The following FHOD3 variants were observed in gnomAD, a reference collection of about 807,000 sequenced individuals.
The protein encoded by FHOD3 is FH1/FH2 domain-containing protein 3.
FHOD3 carries 90 observed loss-of-function variants against 173.0 expected under a neutral mutation model. The ratio of observed to expected loss-of-function variants is 0.52; its 90% CI spans 0.44 to 0.62. The LOEUF (loss-of-function observed/expected upper bound fraction) is 0.62. Among genes scored for constraint, FHOD3 ranks in the 20% least tolerant of loss-of-function variants. The pLI, the probability that FHOD3 is intolerant of heterozygous loss-of-function variation, is 0.00. For synonymous variants in FHOD3, 828 were observed against 823.0 expected, an observed-to-expected ratio of 1.01 and a Z score of -0.10; for missense variants, 1,945 against 2,034.7, an observed-to-expected ratio of 0.96 and a Z score of 0.85.
At chr18:36,517,723 A>G (rs974855158) in intron 5 of FHOD3, among the ~76,000 whole-genome samples, 2 of 152,252 alleles carry the variant, frequency 1.3e-5, no homozygotes, top group Admixed American at 1.3e-4. Flanking sequence ...TTCATTTTAG[A>G]AGAAAACTGC....
chr18:36,763,219 T>C (rs111211364), intron 27 of FHOD3, among the ~76,000 whole-genome samples: 2 of 147,564 alleles, frequency 1.4e-5, no homozygotes, highest in African/African-American at 4.9e-5. Context: ...ATGTGTACTA[T>C]ACGTTATATA....
At chr18:36,677,430 T>G in intron 14 of FHOD3, among the ~76,000 whole-genome samples, 1 of 152,152 alleles carries the variant, frequency 6.6e-6, no homozygotes. Flanking sequence ...ATTACAGACA[T>G]GAGCCACCAT....
At chr18:36,562,542 C>A (rs1026194865) in intron 5 of FHOD3, among the ~76,000 whole-genome samples, 1 of 152,176 alleles carries the variant, frequency 6.6e-6, no homozygotes, top group African/African-American at 2.4e-5. Context: ...CATTCAGATG[C>A]CATTTCCAGC....
intron 5 of FHOD3, among the ~76,000 whole-genome samples, chr18:36,561,470 A>T (rs987121190): frequency 1.3e-5 from 2 of 152,158 alleles, no homozygotes; most frequent in Non-Finnish European, 2.9e-5. Context: ...AGGAGGCCTT[A>T]GTTGCGTTTA....
At chr18:36,440,306 G>A (rs1295974592) in intron 3 of FHOD3, among the ~76,000 whole-genome samples, 2 of 152,222 alleles carry the variant, frequency 1.3e-5, no homozygotes, top group African/African-American at 4.8e-5. Flanking sequence ...GCAGAAGCAG[G>A]CGCAGGGCAC....
intron 1 of FHOD3, among the ~76,000 whole-genome samples, chr18:36,336,006 C>A (rs968135289): frequency 1.3e-5 from 2 of 152,172 alleles, no homozygotes; most frequent in African/African-American, 4.8e-5. Context: ...TTAGGACATA[C>A]AACGTGTTCT....
chr18:36,546,553 C>T (rs890789662), intron 5 of FHOD3, among the ~76,000 whole-genome samples: 4 of 152,144 alleles, frequency 2.6e-5, no homozygotes, highest in African/African-American at 9.7e-5. Context: ...GTGAGCGACT[C>T]TAGGAAGTTC....
In FHOD3 at chr18:36,720,729, T is replaced by C. The variant is rs376894070; in HGVS notation, c.3417+2014T>C. 4.6e-3 allele frequency among the ~76,000 whole-genome samples: 538 copies of C among 116,078 alleles called. 3 individuals are homozygous for C. The highest frequency in any genetic ancestry group is 0.015 in the African/African-American group (434 of 29,530). 76.2% of individuals were successfully genotyped at this position (116,078 alleles called of 152,430 possible). A position where few individuals can be genotyped will look rare whatever the true frequency, so the allele number is the denominator to read the frequency against. ...TCCTCCTCCTCCTTCTCTTCCTCCT[T>C]CTTCTTCTCCTCCTCCTTCTTCTCC... On this transcript the variant is annotated intron_variant, in intron 19 of 28. Transcript: ENST00000590592.
chr18:36,640,733 A>C (rs1236145213), intron 10 of FHOD3, among the ~76,000 whole-genome samples: 1 of 152,170 alleles, frequency 6.6e-6, no homozygotes, highest in Non-Finnish European at 1.5e-5. Context: ...GTCTGGGGTG[A>C]CTGGGCTCTG....
chr18:36,484,887 T>G (rs2054113625), intron 3 of FHOD3, among the ~76,000 whole-genome samples: 1 of 152,178 alleles, frequency 6.6e-6, no homozygotes, highest in African/African-American at 2.4e-5. Flanking sequence ...GAAGGCACTG[T>G]CCCGGCTGGC....
intron 3 of FHOD3, among the ~76,000 whole-genome samples, chr18:36,456,206 A>G (rs2052202470): frequency 6.6e-6 from 1 of 152,160 alleles, no homozygotes; most frequent in African/African-American, 2.4e-5. Context: ...TGGGCCTCAA[A>G]CAAATCCTTT....
At chr18:36,642,357 T>G (rs796474081) in intron 10 of FHOD3, among the ~76,000 whole-genome samples, 10 of 152,260 alleles carry the variant, frequency 6.6e-5, no homozygotes, top group African/African-American at 2.2e-4. Context: ...CAGTGGTTCA[T>G]GCCTGTAATC....
In FHOD3 at chr18:36,297,934, C is replaced by T. The variant is rs1184238547; in HGVS notation, c.99C>T (p.Phe33=). 1 of 1,565,660 alleles carries T rather than the reference C, an allele frequency of 6.4e-7. No individual in the cohort carries two copies. ...PEPSRPPLFT[F]REDLALGTQL... is the part of the protein sequence containing the mutation. Reference sequence around the variant, plus strand: ...CCAGCCGGCCGCCGCTGTTCACGTTCCGCGAGGACCTCGCGCTCGGCACCC... The same window carrying T: ...CCAGCCGGCCGCCGCTGTTCACGTTTCGCGAGGACCTCGCGCTCGGCACCC... Residue 33 remains phenylalanine, a synonymous_variant, in exon 1 of 29, where the codon TTC becomes TTT. Transcript: ENST00000590592.
chr18:36,748,993 AC>A (rs2042286138), intron 24 of FHOD3, among the ~76,000 whole-genome samples: 1 of 139,454 alleles, frequency 7.2e-6, no homozygotes. Flanking sequence ...CACAGAAAGG[AC>A]CCTATTCAGG....
chr18:36,571,754 G>GGACA (rs2058459746), intron 5 of FHOD3, among the ~76,000 whole-genome samples: 1 of 152,046 alleles, frequency 6.6e-6, no homozygotes, highest in South Asian at 2.1e-4. Flanking sequence ...AATAGAAAAA[G>GGACA]GACAGTCTCT....
chr18:36,653,870 GTACTTTAT>G (rs1434225332), intron 13 of FHOD3, among the ~76,000 whole-genome samples: 2 of 152,144 alleles, frequency 1.3e-5, no homozygotes, highest in Non-Finnish European at 2.9e-5. Flanking sequence ...CATGAAATTA[GTACTTTAT>G]TACTTTACCC....
At chr18:36,570,171 AAGAT>A in intron 5 of FHOD3, among the ~76,000 whole-genome samples, 1 of 152,216 alleles carries the variant, frequency 6.6e-6, no homozygotes, top group East Asian at 1.9e-4. Flanking sequence ...GAAAAAAGAG[AAGAT>A]ATGCATTGCT....
intron 2 of FHOD3, among the ~76,000 whole-genome samples, chr18:36,362,006 T>A (rs894672330): frequency 6.6e-6 from 1 of 152,236 alleles, no homozygotes; most frequent in African/African-American, 2.4e-5. Flanking sequence ...GAATGGACAC[T>A]GGAATCAAAG....
rs532202757 is a variant in FHOD3 at position 36,763,026 on chromosome 18, T to G, written c.4624+2244T>G. Among the ~76,000 whole-genome samples, 154 of 144,330 alleles carry G rather than the reference T, an allele frequency of 1.1e-3. 1 individual carries two copies. The highest frequency in any genetic ancestry group is 2.8e-3 in the African/African-American group (112 of 39,362). The allele number at this position is 144,330 out of a possible 152,430, so 94.7% of individuals were successfully genotyped here. On this transcript the variant is annotated intron_variant, in intron 27 of 28. Transcript: ENST00000590592. ...TACGTTATATATGCGTATTATACAC[T>G]TTATATATAATATGCGTATTATACA...
Sources: gnomAD v4.1 joint callset for allele counts (sites outside exome capture counted in the v4.1 genomes callset) on GRCh38, gnomAD v4.1.1 for gene constraint, MANE v1.5 for transcripts, NCBI Gene and HGNC (gene_info 2026-07-23, HGNC 2026-07-21) for gene names.